Variants in PDZRN3 observed in about 807,000 individuals in gnomAD.
The protein encoded by PDZRN3 is E3 ubiquitin-protein ligase PDZRN3.
A neutral mutation model predicts 85.7 loss-of-function variants in PDZRN3; 38 were observed. The observed-to-expected ratio is 0.44, with a 90% confidence interval of 0.34 to 0.58. The LOEUF is 0.58. PDZRN3 is among the 20% of genes least tolerant of loss of function. PDZRN3 has a pLI of 0.01. For missense variants in PDZRN3, 1,629 were observed against 1,506.4 expected, an observed-to-expected ratio of 1.08 and a Z score of -1.35; for synonymous variants, 759 against 638.0, an observed-to-expected ratio of 1.19 and a Z score of -2.86.
intron 3 of PDZRN3, among the ~76,000 whole-genome samples, chr3:73,461,391 A>G (rs1255113843): frequency 6.6e-6 from 1 of 152,226 alleles, no homozygotes; most frequent in Non-Finnish European, 1.5e-5. Flanking sequence ...GACCAAAGAA[A>G]TCTCAAAAGG....
chr3:73,449,124 C>T (rs1305671304), intron 3 of PDZRN3, among the ~76,000 whole-genome samples: 1 of 152,082 alleles, frequency 6.6e-6, no homozygotes, highest in East Asian at 1.9e-4. Context: ...GTGGGGCTAA[C>T]AAGTGAAACT....
At chr3:73,409,102 T>G (rs777291162) in intron 3 of PDZRN3, among the ~76,000 whole-genome samples, 1 of 152,216 alleles carries the variant, frequency 6.6e-6, no homozygotes, top group African/African-American at 2.4e-5. Context: ...GCTTAAATTA[T>G]TCACCTAAGG....
intron 3 of PDZRN3, among the ~76,000 whole-genome samples, chr3:73,530,228 C>A (rs1704622055): frequency 6.6e-6 from 1 of 152,158 alleles, no homozygotes. Context: ...ACAATGACCA[C>A]AAAGATGTCT....
intron 3 of PDZRN3, among the ~76,000 whole-genome samples, chr3:73,439,694 G>A (rs918823511): frequency 6.6e-6 from 1 of 152,052 alleles, no homozygotes; most frequent in African/African-American, 2.4e-5. Flanking sequence ...TTTCTGAAAA[G>A]CTATGTAAGC....
intron 3 of PDZRN3, among the ~76,000 whole-genome samples, chr3:73,522,402 C>A (rs1443981020): frequency 6.6e-6 from 1 of 152,198 alleles, no homozygotes; most frequent in Non-Finnish European, 1.5e-5. Context: ...TCAAAACATG[C>A]TAGTGCTATA....
At chr3:73,621,500 A>G (rs916751730) in intron 1 of PDZRN3, among the ~76,000 whole-genome samples, 1 of 152,226 alleles carries the variant, frequency 6.6e-6, no homozygotes, top group African/African-American at 2.4e-5. Flanking sequence ...GCAGGAGCAG[A>G]GAGCCGGCCC....
rs761711507 is a variant in PDZRN3 at position 73,384,139 on chromosome 3, G to C, written c.2427C>G (p.Leu809=). The C allele has an allele frequency of 1.2e-5, 19 of 1,614,012 alleles. No homozygotes were observed. Among genetic ancestry groups the C allele is most frequent in the East Asian group, 8.9e-5 (4 of 44,834 alleles). Residue 809 remains leucine (L), a synonymous_variant, in exon 10 of 10, where the codon CTC becomes CTG. Coordinates refer to ENST00000263666, the MANE Select transcript of PDZRN3 (RefSeq NM_015009.3). ...CCACTTCGGGATCTTCCGTGATGGA[G>C]AGCAGATTCTTGGAGGCTGGCCCGT... ...EAYGPASKNL[L]SITEDPEVGT... is the part of the protein sequence containing the mutation.
intron 3 of PDZRN3, among the ~76,000 whole-genome samples, chr3:73,489,309 T>C (rs1211103695): frequency 6.6e-6 from 1 of 152,230 alleles, no homozygotes; most frequent in African/African-American, 2.4e-5. Context: ...TACCTTTTCC[T>C]GCTTTTTCAA....
intron 3 of PDZRN3, among the ~76,000 whole-genome samples, chr3:73,447,098 T>C (rs1198649722): frequency 6.8e-6 from 1 of 148,126 alleles, no homozygotes; most frequent in African/African-American, 2.5e-5. Flanking sequence ...GATATATATA[T>C]TAGATCTAAT....
chr3:73,535,326 A>T (rs1559726774), intron 3 of PDZRN3, among the ~76,000 whole-genome samples: 1 of 152,232 alleles, frequency 6.6e-6, no homozygotes, highest in Non-Finnish European at 1.5e-5. Flanking sequence ...CTTTGTGATG[A>T]TCATGCATTT....
At position 73,569,333 on chromosome 3, in the gene PDZRN3, TA is replaced by T. The variant is rs1012950173; in HGVS notation, c.918+33020del. Reference sequence around the variant, plus strand: ...AACAGCCTCAGGTGAACCAGGAGAATAAGCAGGTTAATAATCTTTAGTGAGG... The same window carrying T: ...AACAGCCTCAGGTGAACCAGGAGAATAGCAGGTTAATAATCTTTAGTGAGG... On this transcript the variant is annotated intron_variant, in intron 3 of 9. Transcript: ENST00000263666. The T allele has an allele frequency of 1.2e-5, 15 of 1,219,894 alleles. No individual in the cohort carries two copies. The African/African-American group carries it at 1.6e-4, about 13-fold the overall frequency. The allele number at this position is 1,219,894 out of a possible 1,614,324, so 75.6% of individuals were successfully genotyped here. A position where few individuals can be genotyped will look rare whatever the true frequency, so the allele number is the denominator to read the frequency against.
intron 3 of PDZRN3, among the ~76,000 whole-genome samples, chr3:73,473,996 T>C (rs1298400532): frequency 1.3e-5 from 2 of 152,232 alleles, no homozygotes; most frequent in African/African-American, 4.8e-5. Context: ...AGATAACTAA[T>C]ATACTTGTCA....
intron 3 of PDZRN3, among the ~76,000 whole-genome samples, chr3:73,405,745 C>T (rs1348791692): frequency 3.9e-5 from 6 of 152,182 alleles, no homozygotes; most frequent in Non-Finnish European, 8.8e-5. Context: ...TGAACCACAG[C>T]CTTTTCCTAT....
chr3:73,442,943 A>G (rs1167691937), intron 3 of PDZRN3, among the ~76,000 whole-genome samples: 1 of 152,102 alleles, frequency 6.6e-6, no homozygotes, highest in Non-Finnish European at 1.5e-5. Flanking sequence ...GCCTTGGTAT[A>G]AGATCAGAGG....
At chr3:73,384,994 G>A in intron 9 of PDZRN3, 64 bp from the exon 10 acceptor site, 1 of 1,524,988 alleles carries the variant, frequency 6.6e-7, no homozygotes, top group Non-Finnish European at 8.8e-7. Context: ...ACTCAGGTTT[G>A]ACCTTTCCTT....
At chr3:73,602,273 C>G (rs931077864) in intron 3 of PDZRN3, 81 bp downstream of exon 3, 1 of 775,064 alleles carries the variant, frequency 1.3e-6, no homozygotes. Context: ...CCTCCCTCCC[C>G]AGTCAAACAT....
chr3:73,592,252 C>A (rs1241294398), intron 3 of PDZRN3, among the ~76,000 whole-genome samples: 2 of 152,250 alleles, frequency 1.3e-5, no homozygotes, highest in South Asian at 2.1e-4. Flanking sequence ...ACAAAAAAAA[C>A]CTGTCTTTTT....
At position 73,581,122 on chromosome 3, in the gene PDZRN3, A is replaced by G. The variant is rs181358755; in HGVS notation, c.918+21232T>C. Among the ~76,000 whole-genome samples, 4 of 152,378 alleles carry G rather than the reference A, an allele frequency of 2.6e-5. No homozygotes were observed. In the East Asian group the frequency reaches 7.7e-4, roughly 29 times the overall value. ...CTACATAAGAAGAACAGACCTATGC[A>G]AAAGCATAAGCAACATTCCTTTTGG... On this transcript the variant is annotated intron_variant, in intron 3 of 9. Transcript: ENST00000263666.
At chr3:73,416,380 T>TTAGA (rs1382421572) in intron 3 of PDZRN3, among the ~76,000 whole-genome samples, 1 of 151,968 alleles carries the variant, frequency 6.6e-6, no homozygotes, top group Non-Finnish European at 1.5e-5. Flanking sequence ...AAATTAGGAC[T>TTAGA]TAGATAGATC....
Sources: gnomAD v4.1 joint callset for allele counts (sites outside exome capture counted in the v4.1 genomes callset) on GRCh38, gnomAD v4.1.1 for gene constraint, MANE v1.5 for transcripts, NCBI Gene and HGNC (gene_info 2026-07-23, HGNC 2026-07-21) for gene names.